Variants in PRSS38 observed in about 807,000 individuals in gnomAD.
The protein encoded by PRSS38 is serine protease 38, also known as marapsin 2.
Under a neutral mutation model 26.8 loss-of-function variants are expected in PRSS38, and 22 were observed. That is an observed-to-expected ratio of 0.82 (90% CI 0.59 to 1.17). PRSS38 has a LOEUF of 1.17. Among genes scored for constraint, PRSS38 ranks in the 50% most tolerant of loss-of-function variants. PRSS38 has a pLI of 0.00. For missense variants in PRSS38, 427 were observed against 422.7 expected (o/e 1.01, Z -0.09); for synonymous variants, 175 against 172.1 (o/e 1.02, Z -0.13).
At chr1:227,831,700 A>C (rs183268533) in intron 3 of PRSS38, among the ~76,000 whole-genome samples, 1 of 152,186 alleles carries the variant, frequency 6.6e-6, no homozygotes, top group African/African-American at 2.4e-5. Flanking sequence ...AAAATATAAA[A>C]AATTAGCTGG....
chr1:227,845,620 C>T lies in PRSS38; in HGVS notation c.726+8C>T, dbSNP rs1296300718. On this transcript the variant is annotated splice_region_variant and intron_variant, in intron 4 of 4. Transcript: ENST00000366757. ...GCTAAGACCGTGTGTGAGGTGTGCC[C>T]CTCCTGGTCCATGAGACAGAGGTCA... 6.2e-7 allele frequency: 1 copy of T among 1,611,422 alleles called. No homozygotes were observed. The highest frequency in any genetic ancestry group is 1.7e-5 in the Admixed American group (1 of 59,910).
chr1:227,837,329 G>A (rs759792217), intron 3 of PRSS38, among the ~76,000 whole-genome samples: 49 of 152,144 alleles, frequency 3.2e-4, no homozygotes, highest in Non-Finnish European at 4.9e-4. Context: ...CTTAAACTTC[G>A]TTAATGAAAT....
At chr1:227,817,075 A>T in intron 2 of PRSS38, 134 bp from the exon 3 acceptor site, 2 of 930,068 alleles carry the variant, frequency 2.2e-6, no homozygotes, top group Non-Finnish European at 3.3e-6. Flanking sequence ...ATAGGTCCCT[A>T]CTATGCTGCA....
intron 3 of PRSS38, among the ~76,000 whole-genome samples, chr1:227,837,260 C>A (rs554156684): frequency 2.0e-5 from 3 of 152,212 alleles, no homozygotes; most frequent in Non-Finnish European, 4.4e-5. Flanking sequence ...GTGACAAATC[C>A]GCCTTGCCAA....
chr1:227,843,691 G>C (rs961995402), intron 3 of PRSS38, among the ~76,000 whole-genome samples: 9 of 150,700 alleles, frequency 6.0e-5, no homozygotes, highest in African/African-American at 2.2e-4. Context: ...TGGGCAATAA[G>C]AGTGAAACTC....
At chr1:227,832,720 C>A (rs757942760) in intron 3 of PRSS38, among the ~76,000 whole-genome samples, 2 of 152,162 alleles carry the variant, frequency 1.3e-5, no homozygotes, top group African/African-American at 2.4e-5. Flanking sequence ...GTAAAACTAT[C>A]TCTACTTGCA....
At chr1:227,841,579 C>A (rs1024101053) in intron 3 of PRSS38, among the ~76,000 whole-genome samples, 2 of 152,196 alleles carry the variant, frequency 1.3e-5, no homozygotes, top group African/African-American at 4.8e-5. Flanking sequence ...TTTTGTTCTG[C>A]ATTTTTCTTC....
chr1:227,830,414 T>C (rs915494747), intron 3 of PRSS38, among the ~76,000 whole-genome samples: 3 of 151,742 alleles, frequency 2.0e-5, no homozygotes, highest in Non-Finnish European at 4.4e-5. Flanking sequence ...ATACTTTATG[T>C]ATTTATTATT....
At chr1:227,834,009 A>C (rs914662454) in intron 3 of PRSS38, among the ~76,000 whole-genome samples, 1 of 152,196 alleles carries the variant, frequency 6.6e-6, no homozygotes, top group African/African-American at 2.4e-5. Flanking sequence ...AATATGACTG[A>C]AGGACATATA....
At chr1:227,821,566 C>T (rs1665003747) in intron 3 of PRSS38, among the ~76,000 whole-genome samples, 3 of 152,234 alleles carry the variant, frequency 2.0e-5, no homozygotes, top group South Asian at 4.1e-4. Context: ...CCGTGAACGA[C>T]TTAATTTCTC....
At chr1:227,832,607 A>G (rs530174769) in intron 3 of PRSS38, among the ~76,000 whole-genome samples, 4 of 152,354 alleles carry the variant, frequency 2.6e-5, no homozygotes, top group African/African-American at 9.6e-5. Context: ...CAAAATTAAG[A>G]TGCCTGCTTT....
intron 3 of PRSS38, among the ~76,000 whole-genome samples, chr1:227,832,224 TG>T (rs906746287): frequency 6.6e-6 from 1 of 152,216 alleles, no homozygotes; most frequent in African/African-American, 2.4e-5. Flanking sequence ...AGCATATAGT[TG>T]GGTCTTCCTT....
chr1:227,828,683 G>A lies in PRSS38; in HGVS notation c.583+11203G>A, dbSNP rs138995958. Among the ~76,000 whole-genome samples, 697 of 152,330 alleles carry A rather than the reference G, an allele frequency of 4.6e-3. 12 individuals carry two copies. The South Asian group carries it at 0.057, about 13-fold the overall frequency. ...GAAGGGTCCTCAACAAAGGAGCACAGCTGCACTACCAAGAAGCAGCCAGGC... is the reference window on the plus strand; with the variant it reads ...GAAGGGTCCTCAACAAAGGAGCACAACTGCACTACCAAGAAGCAGCCAGGC... On this transcript the variant is annotated intron_variant, in intron 3 of 4. Transcript: ENST00000366757.
intron 3 of PRSS38, among the ~76,000 whole-genome samples, chr1:227,840,345 ACTC>A (rs1665319406): frequency 6.6e-6 from 1 of 151,350 alleles, no homozygotes; most frequent in Admixed American, 6.6e-5. Flanking sequence ...CTGGTCTCGA[ACTC>A]CTGGGCTCAA....
intron 3 of PRSS38, among the ~76,000 whole-genome samples, chr1:227,835,482 G>C (rs908926984): frequency 6.6e-6 from 1 of 152,106 alleles, no homozygotes; most frequent in Non-Finnish European, 1.5e-5. Context: ...TGTACTCAAG[G>C]GATTGAAAGC....
chr1:227,826,320 T>C (rs1483244177), intron 3 of PRSS38, among the ~76,000 whole-genome samples: 1 of 152,190 alleles, frequency 6.6e-6, no homozygotes, highest in Admixed American at 6.5e-5. Flanking sequence ...GATCGTGTCA[T>C]CTGCAAAGAT....
At chr1:227,815,692 C>G (rs200738511), upstream of PRSS38, 1 of 1,553,450 alleles carries the variant, frequency 6.4e-7, no homozygotes, top group South Asian at 1.2e-5. Flanking sequence ...GCTAGTCACC[C>G]GCTGGGGGCG....
At chr1:227,818,790 A>G (rs1664960657) in intron 3 of PRSS38, among the ~76,000 whole-genome samples, 1 of 152,096 alleles carries the variant, frequency 6.6e-6, no homozygotes, top group African/African-American at 2.4e-5. Flanking sequence ...GAATGAATCA[A>G]AACTTTCCCA....
intron 3 of PRSS38, among the ~76,000 whole-genome samples, chr1:227,819,891 C>A (rs1664976334): frequency 6.6e-6 from 1 of 152,012 alleles, no homozygotes; most frequent in Admixed American, 6.6e-5. Flanking sequence ...GAGATTGAGA[C>A]TATCCTGGCC....
Sources: allele counts gnomAD v4.1 joint callset (sites outside exome capture counted in the v4.1 genomes callset), GRCh38; gene constraint gnomAD v4.1.1; transcripts MANE v1.5; gene names NCBI Gene and HGNC (gene_info 2026-07-23, HGNC 2026-07-21).